Variants in SPATA21 observed in about 807,000 individuals in gnomAD.
The protein encoded by SPATA21 is spermatogenesis associated 21, also known as spermatogenesis-associated protein 21.
SPATA21 carries 47 observed loss-of-function variants against 54.8 expected under a neutral mutation model. That is an observed-to-expected ratio of 0.86 (90% CI 0.68 to 1.09). The LOEUF (loss-of-function observed/expected upper bound fraction) is 1.09. Among genes scored for constraint, SPATA21 ranks in the 50% least tolerant of loss-of-function variants. The probability of loss-of-function intolerance (pLI) is 0.00; values close to 1 mark genes in which losing one functional copy is unlikely to be tolerated. For synonymous variants in SPATA21, 245 were observed against 235.3 expected, an observed-to-expected ratio of 1.04 and a Z score of -0.38; for missense variants, 599 against 596.4, an observed-to-expected ratio of 1.00 and a Z score of -0.05.
intron 1 of SPATA21, among the ~76,000 whole-genome samples, chr1:16,434,942 C>T (rs547933248): frequency 6.6e-6 from 1 of 151,886 alleles, no homozygotes; most frequent in South Asian, 2.1e-4. Context: ...ACTGCAACCT[C>T]CAACTCTGGG....
intron 5 of SPATA21, among the ~76,000 whole-genome samples, chr1:16,419,215 T>C (rs568876349): frequency 2.6e-5 from 4 of 152,260 alleles, no homozygotes; most frequent in South Asian, 2.1e-4. Context: ...AGACTGTCTA[T>C]GAAGAGGAGT....
rs773071566 is a variant in SPATA21, at chr1:16,409,717, C to G, written c.471G>C (p.Pro157=). ...CAGGGCAAGGCATGGAGGTGGGGAC[C>G]GGGGCTCCCATGGGGGCAGGTTCTG... ...PGPEPAPMGA[P]VPTSMPCPVL... The change falls in exon 6 of 13, where the codon CCG becomes CCC. Residue 157 remains proline (P), a synonymous_variant. Transcript: ENST00000335496. This position sits in a 1 kb window ranked among gnomAD's most constrained non-coding sequence, Gnocchi z 4.1. The G allele has an allele frequency of 5.0e-6, 8 of 1,612,270 alleles. No homozygotes were observed. In the South Asian group the frequency reaches 8.8e-5, roughly 18 times the overall value.
intron 5 of SPATA21, among the ~76,000 whole-genome samples, chr1:16,416,602 C>T (rs189166069): frequency 2.7e-3 from 405 of 151,460 alleles, no homozygotes; most frequent in Non-Finnish European, 3.9e-3. Flanking sequence ...TGCTTGAACC[C>T]GGGAGGTGGA....
rs1163657160 is a variant in SPATA21 at position 16,409,154 on chromosome 1, TCTC to T, written c.634_636del (p.Glu212del). Reference sequence around the variant, plus strand: ...TTCAGGGTCAGTTGCTCCTCGGACTTCTCCCGGTTTTGATAAAGCTTTTGGAGG... The same window carrying T: ...TTCAGGGTCAGTTGCTCCTCGGACTTCCGGTTTTGATAAAGCTTTTGGAGG... On this transcript the variant is annotated inframe_deletion, in exon 7 of 13. Transcript: ENST00000335496. The surrounding 1 kb of genome is among the most constrained non-coding windows in gnomAD (Gnocchi z 4.1). The T allele has an allele frequency of 6.2e-7, 1 of 1,613,960 alleles. No homozygotes were observed. Among genetic ancestry groups the T allele is most frequent in the Non-Finnish European group, 8.5e-7 (1 of 1,179,994 alleles).
intron 1 of SPATA21, 108 bp from the exon 2 acceptor site, chr1:16,433,032 G>C (rs1403171160): frequency 6.6e-6 from 1 of 152,204 alleles, no homozygotes; most frequent in Non-Finnish European, 1.5e-5. Context: ...TGACTCCCAT[G>C]GCCACTCATC....
rs1486652393 is a variant in SPATA21 at position 16,403,824 on chromosome 1, T to C, written c.904A>G (p.Met302Val). The change falls in exon 10 of 13, where the codon ATG becomes GTG. Residue 302 changes from methionine to valine, a missense_variant. Physicochemically the swap from Met to Val is conservative, Grantham distance 21. Coordinates refer to ENST00000335496, the MANE Select transcript of SPATA21 (RefSeq NM_198546.1). ...CSVEQNALSD[M>V]APHNPHTLLF... ...AGAGTGTGGGGGTTGTGGGGAGCCA[T>C]GTCCGACAGGGCGTTCTGTTCTGGA... The C allele has an allele frequency of 2.5e-6, 4 of 1,610,740 alleles. No individual in the cohort carries two copies. The highest frequency in any genetic ancestry group is 2.2e-5 in the East Asian group (1 of 44,842).
chr1:16,416,400 G>A lies in SPATA21; in HGVS notation c.144+5109C>T, dbSNP rs374101286. 5.1e-4 allele frequency among the ~76,000 whole-genome samples: 78 copies of A among 151,976 alleles called. 2 individuals are homozygous for A. The highest frequency in any genetic ancestry group is 1.5e-3 in the African/African-American group (64 of 41,422). ...ACAGTTAAAGAATGTGGTGGGGGCC[G>A]GGCACGGTGGCTCATGCCTGTAATC... On this transcript the variant is annotated intron_variant, in intron 5 of 12. Transcript: ENST00000335496.
intron 11 of SPATA21, among the ~76,000 whole-genome samples, chr1:16,399,742 C>T (rs570581943): frequency 6.6e-6 from 1 of 152,316 alleles, no homozygotes; most frequent in East Asian, 1.9e-4. Context: ...AAGCACTCAG[C>T]TCAGTGCTGC....
intron 9 of SPATA21, 21 bp from the exon 10 acceptor site, chr1:16,403,865 C>T (rs1390255215): frequency 6.2e-7 from 1 of 1,609,116 alleles, no homozygotes; most frequent in South Asian, 1.1e-5. Flanking sequence ...GGGATAGTGG[C>T]TGCCGTTACC....
Position 16,409,289 on chromosome 1 carries a change from G to C in SPATA21, c.588-86C>G. ...GGGGAGGGGTTGGGGGAGCCTGCAG[G>C]AGGAGGTCGTGGGGGAGGCTTTGGG... On this transcript the variant is annotated intron_variant, in intron 6 of 12. Transcript: ENST00000335496. The surrounding 1 kb of genome is among the most constrained non-coding windows in gnomAD (Gnocchi z 4.1). The C allele has an allele frequency of 6.8e-7, 1 of 1,476,688 alleles. No individual in the cohort carries two copies. The highest frequency in any genetic ancestry group is 9.4e-7 in the Non-Finnish European group (1 of 1,068,152). The allele number at this position is 1,476,688 out of a possible 1,614,324, so 91.5% of individuals were successfully genotyped here.
intron 5 of SPATA21, among the ~76,000 whole-genome samples, chr1:16,418,064 C>G (rs1333492771): frequency 6.6e-6 from 1 of 152,202 alleles, no homozygotes; most frequent in Non-Finnish European, 1.5e-5. Flanking sequence ...GAGCAGGGAG[C>G]AGGGGCCCTC....
intron 5 of SPATA21, among the ~76,000 whole-genome samples, chr1:16,414,816 C>A (rs781223546): frequency 7.5e-6 from 1 of 132,808 alleles, no homozygotes; most frequent in Non-Finnish European, 1.5e-5. Flanking sequence ...TCGCTTAAAC[C>A]TGGGAGGTGG....
At chr1:16,420,129 G>A (rs1191660510) in intron 5 of SPATA21, among the ~76,000 whole-genome samples, 2 of 151,976 alleles carry the variant, frequency 1.3e-5, no homozygotes, top group African/African-American at 4.8e-5. Flanking sequence ...GGAGAACCAA[G>A]GTAGGGCTGT....
intron 5 of SPATA21, among the ~76,000 whole-genome samples, chr1:16,417,819 C>G (rs2086057909): frequency 6.6e-6 from 1 of 152,156 alleles, no homozygotes; most frequent in South Asian, 2.1e-4. Flanking sequence ...ATCCGCCCAC[C>G]TCAGCCTCCT....
Position 16,410,013 on chromosome 1 carries a change from G to A in SPATA21, c.175C>T (p.Pro59Ser), listed in dbSNP as rs1279627206. ...EVRDIGERRE[P>S]DRAQQQPQKP... ...TGAGGCTGCTGCTGCGCACGGTCTG[G>A]CTCCCGCCTCTCTCCAATGTCCCTC... is the stretch of plus-strand genomic sequence containing the variant. The change falls in exon 6 of 13, where the codon CCA becomes TCA. Residue 59 changes from proline (P) to serine (S), a missense_variant. Physicochemically the swap from Pro to Ser is moderately conservative, Grantham distance 74. Coordinates refer to ENST00000335496, the MANE Select transcript of SPATA21 (RefSeq NM_198546.1). 6.4e-6 allele frequency: 10 copies of A among 1,574,460 alleles called. No homozygotes were observed. The highest frequency in any genetic ancestry group is 6.0e-6 in the Non-Finnish European group (7 of 1,163,044).
chr1:16,399,474 A>G lies in SPATA21; in HGVS notation c.1222T>C (p.Cys408Arg), dbSNP rs1201993497. 1 of 1,613,680 alleles carries G rather than the reference A, an allele frequency of 6.2e-7. No individual in the cohort carries two copies. The highest frequency in any genetic ancestry group is 8.5e-7 in the Non-Finnish European group (1 of 1,180,038). Residue 408 changes from cysteine (C) to arginine (R), a missense_variant, in exon 12 of 13, where the codon TGC becomes CGC. Coordinates refer to ENST00000335496, the MANE Select transcript of SPATA21 (RefSeq NM_198546.1). ...ACCATCTTCTTGTCCAGCTGTGGGC[A>G]GAGCAGGATGCAGGGCACCTGGGCA... ...PYAQVPCILL[C>R]PQLDKKMVRR... is the part of the protein sequence containing the mutation.
At chr1:16,402,080 G>C (rs1287776635) in intron 10 of SPATA21, among the ~76,000 whole-genome samples, 1 of 152,018 alleles carries the variant, frequency 6.6e-6, no homozygotes, top group Non-Finnish European at 1.5e-5. Flanking sequence ...AACCCTACGG[G>C]TCTCACCTCA....
At chr1:16,404,086 TCCATGCCTTGCAGCCCAGGCG>T (rs2085550942) in intron 8 of SPATA21, 47 bp from the exon 9 acceptor site, 1 of 1,513,302 alleles carries the variant, frequency 6.6e-7, no homozygotes, top group Non-Finnish European at 9.0e-7. Context: ...TCGGAGCAGG[TCCATGCCTTGCAGCCCAGGCG>T]TGGTTATTAG....
In SPATA21 at chr1:16,409,527, G is replaced by C. The variant is rs943092377; in HGVS notation, c.587+74C>G. 14 of 1,480,900 alleles carry C rather than the reference G, an allele frequency of 9.5e-6. No homozygotes were observed. The highest frequency in any genetic ancestry group is 1.2e-5 in the Non-Finnish European group (13 of 1,098,328). 91.7% of individuals were successfully genotyped at this position (1,480,900 alleles called of 1,614,324 possible). On this transcript the variant is annotated intron_variant, in intron 6 of 12. Coordinates refer to ENST00000335496, the MANE Select transcript of SPATA21 (RefSeq NM_198546.1). This position sits in a 1 kb window ranked among gnomAD's most constrained non-coding sequence, Gnocchi z 4.1. ...AGGGAACAGGCAGGTGCAGGGACAG[G>C]GACCTGCATCCGGGACAAGGCTCTG...
Sources: allele counts gnomAD v4.1 joint callset (sites outside exome capture counted in the v4.1 genomes callset), GRCh38; gene constraint gnomAD v4.1.1; non-coding constraint Gnocchi (gnomAD v3.1); transcripts MANE v1.5; gene names NCBI Gene and HGNC (gene_info 2026-07-23, HGNC 2026-07-21).